Variants in CYSLTR1 observed in about 807,000 individuals in gnomAD.
The protein encoded by CYSLTR1 is G-protein coupled receptor HG55.
Under a neutral mutation model 2.1 loss-of-function variants are expected in CYSLTR1, and 1 was observed. The observed-to-expected ratio is 0.48, with a 90% CI of 0.17 to 2.28. The LOEUF is 2.28. CYSLTR1 is among the 30% of genes most tolerant of loss of function. The pLI, the probability that CYSLTR1 is intolerant of heterozygous loss-of-function variation, is 0.26. For missense variants in CYSLTR1, 299 were observed against 250.1 expected (o/e 1.20, Z -1.32); for synonymous variants, 110 against 89.6 (o/e 1.23, Z -1.28).
At chrX:78,312,182 T>G (rs760017507) in intron 1 of CYSLTR1, among the ~76,000 whole-genome samples, 1 of 111,095 alleles carries the variant, frequency 9.0e-6, no homozygotes, top group East Asian at 2.8e-4. Flanking sequence ...CCTGCACACC[T>G]ACAACCATCT....
intron 2 of CYSLTR1, among the ~76,000 whole-genome samples, chrX:78,279,819 A>C (rs910275647): frequency 8.9e-6 from 1 of 111,951 alleles, no homozygotes; most frequent in East Asian, 2.8e-4. Context: ...GTTGGAGGCC[A>C]TTATCCTAAG....
At chrX:78,314,545 C>A (rs1436966039) in intron 1 of CYSLTR1, among the ~76,000 whole-genome samples, 1 of 111,545 alleles carries the variant, frequency 9.0e-6, no homozygotes, top group Non-Finnish European at 1.9e-5. Context: ...CTTTGAATTA[C>A]CAATGCCACT....
At chrX:78,274,533 T>A (rs1352336231) in intron 2 of CYSLTR1, among the ~76,000 whole-genome samples, 3 of 111,836 alleles carry the variant, frequency 2.7e-5, no homozygotes, top group South Asian at 3.8e-4. Flanking sequence ...CATATGTAGA[T>A]AGCTGAAACT....
chrX:78,304,507 A>G (rs1014023827), intron 1 of CYSLTR1, among the ~76,000 whole-genome samples: 3 of 111,611 alleles, frequency 2.7e-5, no homozygotes, highest in African/African-American at 9.8e-5. Context: ...AATTTAACAA[A>G]GAGTCCACCA....
chrX:78,319,449 A>C (rs1224388303), intron 1 of CYSLTR1: 27 of 109,787 alleles, frequency 2.5e-4, no homozygotes, highest in African/African-American at 8.3e-4. Context: ...TGAACTCATC[A>C]TTTTTTATGG....
intron 1 of CYSLTR1, among the ~76,000 whole-genome samples, chrX:78,301,244 C>T (rs1922810358): frequency 8.9e-6 from 1 of 112,615 alleles, no homozygotes; most frequent in African/African-American, 3.2e-5. Context: ...TTTGACTTCT[C>T]ATTACTTATT....
chrX:78,280,308 C>G (rs1473480059), intron 2 of CYSLTR1, among the ~76,000 whole-genome samples: 1 of 111,367 alleles, frequency 9.0e-6, no homozygotes, highest in Non-Finnish European at 1.9e-5. Context: ...TTTTTCTAAA[C>G]TGGGCAATAT....
intron 1 of CYSLTR1, among the ~76,000 whole-genome samples, chrX:78,301,974 C>A (rs1204579552): frequency 8.9e-6 from 1 of 112,082 alleles, no homozygotes; most frequent in Non-Finnish European, 1.9e-5. Flanking sequence ...GAGAACTCCT[C>A]TTTATAAAAC....
chrX:78,272,583 G>A lies in CYSLTR1; in HGVS notation c.*150C>T. 1 of 474,167 alleles carries A rather than the reference G, an allele frequency of 2.1e-6. No individual in the cohort carries two copies. Among genetic ancestry groups the A allele is most frequent in the Non-Finnish European group, 3.2e-6 (1 of 310,214 alleles). 39.1% of individuals were successfully genotyped at this position (474,167 alleles called of 1,213,427 possible). A position where few individuals can be genotyped will look rare whatever the true frequency, so the allele number is the denominator to read the frequency against. ...AAAATATCTATAAATATCTAATCAT[G>A]TGGATGCATAAATGAGATAGAGTTG... On this transcript the variant is annotated 3_prime_UTR_variant, in exon 3 of 3. Coordinates refer to ENST00000373304, the MANE Select transcript of CYSLTR1 (RefSeq NM_006639.4).
intron 2 of CYSLTR1, among the ~76,000 whole-genome samples, chrX:78,274,318 T>C (rs1921469334): frequency 1.8e-5 from 2 of 110,970 alleles, no homozygotes; most frequent in African/African-American, 6.6e-5. Flanking sequence ...CAAACTATAC[T>C]ACAAGGCTAC....
chrX:78,288,397 T>G (rs1922160149), intron 1 of CYSLTR1, among the ~76,000 whole-genome samples: 1 of 111,846 alleles, frequency 8.9e-6, no homozygotes, highest in South Asian at 3.8e-4. Context: ...ATACTTCTTT[T>G]TTGTTTCTAG....
At chrX:78,308,521 G>A (rs757647814) in intron 1 of CYSLTR1, among the ~76,000 whole-genome samples, 50 of 111,203 alleles carry the variant, frequency 4.5e-4, no homozygotes, top group African/African-American at 1.6e-3. Flanking sequence ...TTTTGGTAAA[G>A]ATACTGACAA....
intron 1 of CYSLTR1, among the ~76,000 whole-genome samples, chrX:78,323,628 G>A (rs978436573): frequency 1.8e-5 from 2 of 111,993 alleles, no homozygotes; most frequent in African/African-American, 6.5e-5. Flanking sequence ...AAATTTATGA[G>A]AAATCTTAAG....
At chrX:78,284,319 C>G (rs1226015201) in intron 1 of CYSLTR1, among the ~76,000 whole-genome samples, 1 of 111,995 alleles carries the variant, frequency 8.9e-6, no homozygotes, top group East Asian at 2.8e-4. Context: ...CAGAGGCTAG[C>G]TACTATTCCT....
chrX:78,317,115 A>G (rs1431928766), intron 1 of CYSLTR1, among the ~76,000 whole-genome samples: 3 of 112,421 alleles, frequency 2.7e-5, no homozygotes, highest in Non-Finnish European at 3.8e-5. Context: ...CAAAGTCTAC[A>G]ACAACTCAAA....
At position 78,273,446 on chromosome X, in the gene CYSLTR1, A is replaced by G; in HGVS notation, c.301T>C (p.Tyr101His). Residue 101 changes from tyrosine (Y) to histidine (H), a missense_variant, in exon 3 of 3, where the codon TAT becomes CAT. By Grantham distance (83) the Tyr-to-His change is moderately conservative. Transcript: ENST00000373304. Reference sequence around the variant, plus strand: ...CAATAGAGGTTGACATACAAAGCATAGGTGCTGAGGCGGCACAAGAAGTCA... The same window carrying G: ...CAATAGAGGTTGACATACAAAGCATGGGTGCTGAGGCGGCACAAGAAGTCA... ...FGDFLCRLST[Y>H]ALYVNLYCSI... 1 of 1,211,739 alleles carries G rather than the reference A, an allele frequency of 8.3e-7. No homozygotes were observed. The highest frequency in any genetic ancestry group is 1.1e-6 in the Non-Finnish European group (1 of 895,416).
intron 1 of CYSLTR1, among the ~76,000 whole-genome samples, chrX:78,294,229 C>CTGCTGGAGTT (rs1436859171): frequency 1.8e-5 from 2 of 112,699 alleles, no homozygotes; most frequent in Non-Finnish European, 3.7e-5. Flanking sequence ...AGCTGCAGGT[C>CTGCTGGAGTT]TGCTGGAGTT....
chrX:78,284,716 T>A (rs992183552), intron 1 of CYSLTR1, among the ~76,000 whole-genome samples: 1 of 104,287 alleles, frequency 9.6e-6, no homozygotes, highest in African/African-American at 3.6e-5. Context: ...CGGTTTATTC[T>A]TAACCAGTAG....
In CYSLTR1 at chrX:78,308,270, G is replaced by A. The variant is rs1017413637; in HGVS notation, c.-115+19035C>T. Among the ~76,000 whole-genome samples, 10 of 111,989 alleles carry A rather than the reference G, an allele frequency of 8.9e-5. No homozygotes were observed. In the South Asian group the frequency reaches 1.5e-3, roughly 17 times the overall value. On this transcript the variant is annotated intron_variant, in intron 1 of 2. Transcript: ENST00000373304. ...TTATAACTGTGTATGTAAATGGTAC[G>A]TGAAAAGTTATTAATTGAATTAAAT...
Sources: allele counts gnomAD v4.1 joint callset (sites outside exome capture counted in the v4.1 genomes callset), GRCh38; gene constraint gnomAD v4.1.1; transcripts MANE v1.5; gene names NCBI Gene and HGNC (gene_info 2026-07-23, HGNC 2026-07-21).